KLF12: variants seen among roughly 807,000 people sequenced by gnomAD.
KLF12 encodes Krueppel-like factor 12.
In KLF12, 9 loss-of-function variants were observed where a neutral mutation model predicts 37.8. The observed-to-expected ratio is 0.24, with a 90% CI of 0.14 to 0.42. The LOEUF (loss-of-function observed/expected upper bound fraction) is 0.42, where lower values mean the gene tolerates loss of function less well. KLF12 is among the 10% of genes least tolerant of loss of function. KLF12 has a pLI of 1.00. For missense variants in KLF12, 411 were observed against 516.0 expected (o/e 0.80, Z 1.97); for synonymous variants, 208 against 202.1 (o/e 1.03, Z -0.25).
rs150037969 is a variant in KLF12 at position 73,764,786 on chromosome 13, C to A, written c.869+152G>T. ...AAAGGAACTCTATCAATATTTATTT[C>A]GAACTGTCCAGAGGAAAGGAAGACC... On this transcript the variant is annotated intron_variant, in intron 6 of 7. Transcript: ENST00000377669. 73 of 441,732 alleles carry A rather than the reference C, an allele frequency of 1.7e-4. No individual in the cohort carries two copies. The East Asian group carries it at 2.1e-3, about 12-fold the overall frequency. The allele number at this position is 441,732 out of a possible 1,614,324, so 27.4% of individuals were successfully genotyped here. A position where few individuals can be genotyped will look rare whatever the true frequency, so the allele number is the denominator to read the frequency against.
chr13:74,210,040 A>G, the KLF12 span, among the ~76,000 whole-genome samples: 1 of 152,160 alleles, frequency 6.6e-6, no homozygotes, highest in East Asian at 1.9e-4. Context: ...GTTAATATTT[A>G]TTTTTTATAT....
intron 6 of KLF12, among the ~76,000 whole-genome samples, chr13:73,754,495 A>G (rs546466398): frequency 2.6e-5 from 4 of 152,270 alleles, no homozygotes; most frequent in Admixed American, 2.6e-4. Context: ...ACACAATTTG[A>G]TGAGATCTGT....
intron 4 of KLF12, among the ~76,000 whole-genome samples, chr13:73,837,978 G>T (rs1018358383): frequency 6.6e-6 from 1 of 152,166 alleles, no homozygotes. Flanking sequence ...ACAGAAGCGA[G>T]TCTGTGACAT....
At position 74,120,769 on chromosome 13, in the gene KLF12, T is replaced by C. The variant is rs544625565; in HGVS notation, c.-32+12970A>G. Among the ~76,000 whole-genome samples, 200 of 152,088 alleles carry C rather than the reference T, an allele frequency of 1.3e-3. 3 individuals are homozygous for C. Among genetic ancestry groups the C allele is most frequent in the African/African-American group, 4.4e-3 (183 of 41,534 alleles). On this transcript the variant is annotated intron_variant, in intron 1 of 7. Coordinates refer to ENST00000377669, the MANE Select transcript of KLF12 (RefSeq NM_007249.5). ...ACAATGAAAGAGAAAAAAATGGCAA[T>C]ATACTAAGATTCTGCTATCATACAG...
chr13:73,883,867 A>G (rs1470862251), intron 3 of KLF12, among the ~76,000 whole-genome samples: 1 of 152,196 alleles, frequency 6.6e-6, no homozygotes, highest in Non-Finnish European at 1.5e-5. Flanking sequence ...GAGATAAACC[A>G]TATTTCTGTT....
chr13:73,910,957 A>T (rs965825465), intron 3 of KLF12, among the ~76,000 whole-genome samples: 2 of 152,166 alleles, frequency 1.3e-5, no homozygotes, highest in African/African-American at 4.8e-5. Context: ...GTCACCTGGG[A>T]ACTCTGCAGA....
intron 4 of KLF12, among the ~76,000 whole-genome samples, chr13:73,817,665 C>T (rs1883307449): frequency 6.6e-6 from 1 of 152,226 alleles, no homozygotes; most frequent in South Asian, 2.1e-4. Context: ...CAACAAGTAG[C>T]TGAGTTTCGG....
At position 73,743,731 on chromosome 13, in the gene KLF12, C is replaced by T. The variant is rs1181608561; in HGVS notation, c.869+21207G>A. ...TGATCCAAGAAGTAGATTTTAACTC[C>T]GCTTTGGTATCAGCATGCTTCAGAA... is the stretch of plus-strand genomic sequence containing the variant. On this transcript the variant is annotated intron_variant, in intron 6 of 7. Transcript: ENST00000377669. 4.6e-5 allele frequency among the ~76,000 whole-genome samples: 7 copies of T among 152,104 alleles called. No individual in the cohort carries two copies. In the South Asian group the frequency reaches 1.0e-3, roughly 23 times the overall value.
At chr13:73,843,373 T>C (rs1486316184) in intron 4 of KLF12, among the ~76,000 whole-genome samples, 1 of 152,010 alleles carries the variant, frequency 6.6e-6, no homozygotes, top group East Asian at 1.9e-4. Context: ...GGCTCAATCT[T>C]GGCTCACTGC....
At chr13:74,249,220 C>T in the KLF12 span, among the ~76,000 whole-genome samples, 1 of 151,780 alleles carries the variant, frequency 6.6e-6, no homozygotes, top group Non-Finnish European at 1.5e-5. Flanking sequence ...CTACAAAGAT[C>T]AAGTGTTGTA....
At chr13:74,245,335 A>G in the KLF12 span, among the ~76,000 whole-genome samples, 1 of 147,706 alleles carries the variant, frequency 6.8e-6, no homozygotes, top group Non-Finnish European at 1.5e-5. Flanking sequence ...CTATCTATCT[A>G]TCTATCATCT....
At chr13:74,074,427 C>T (rs965055419) in intron 1 of KLF12, among the ~76,000 whole-genome samples, 4 of 152,128 alleles carry the variant, frequency 2.6e-5, no homozygotes, top group Non-Finnish European at 5.9e-5. Context: ...TAACTTAAAA[C>T]CCACCAAAAT....
intron 5 of KLF12, among the ~76,000 whole-genome samples, chr13:73,778,594 G>T (rs1319418200): frequency 6.6e-6 from 1 of 152,028 alleles, no homozygotes; most frequent in Non-Finnish European, 1.5e-5. Context: ...CGAACACCTG[G>T]GCTCAAGTGG....
At chr13:73,715,220 A>T in intron 7 of KLF12, 148 bp downstream of exon 7, 1 of 563,514 alleles carries the variant, frequency 1.8e-6, no homozygotes, top group Non-Finnish European at 3.0e-6. Context: ...CTCTTTCTCA[A>T]GAGAGAGAGA....
the KLF12 span, among the ~76,000 whole-genome samples, chr13:74,284,282 C>T: frequency 6.6e-6 from 1 of 152,162 alleles, no homozygotes; most frequent in African/African-American, 2.4e-5. Flanking sequence ...GCCTTTTAAT[C>T]TTAGAGAGAG....
At chr13:73,807,928 T>C (rs914736056) in intron 5 of KLF12, among the ~76,000 whole-genome samples, 1 of 152,202 alleles carries the variant, frequency 6.6e-6, no homozygotes, top group Admixed American at 6.5e-5. Context: ...GGAACTTGAT[T>C]CTTCTACTTG....
chr13:73,986,488 G>A (rs1891831885), intron 2 of KLF12, among the ~76,000 whole-genome samples: 1 of 152,116 alleles, frequency 6.6e-6, no homozygotes, highest in South Asian at 2.1e-4. Context: ...ACATGTACCT[G>A]CAATCACAGT....
At chr13:74,134,263 TG>T (rs1338565768), upstream of KLF12, among the ~76,000 whole-genome samples, 3 of 151,242 alleles carry the variant, frequency 2.0e-5, no homozygotes, top group Admixed American at 2.0e-4. Flanking sequence ...GCCCCGCCGC[TG>T]CCGGCGAGCC....
chr13:74,226,831 A>G, the KLF12 span, among the ~76,000 whole-genome samples: 1 of 152,098 alleles, frequency 6.6e-6, no homozygotes. Flanking sequence ...CTGATACCAT[A>G]CGTTACATAT....
Sources: allele counts gnomAD v4.1 joint callset (sites outside exome capture counted in the v4.1 genomes callset), GRCh38; gene constraint gnomAD v4.1.1; transcripts MANE v1.5; gene names NCBI Gene and HGNC (gene_info 2026-07-23, HGNC 2026-07-21).